Variants in LRIG1 observed in about 807,000 individuals in gnomAD.
LRIG1 encodes the protein leucine rich repeats and immunoglobulin like domains 1.
LRIG1 carries 48 observed loss-of-function variants against 99.2 expected under a neutral mutation model. The ratio of observed to expected loss-of-function variants is 0.48; its 90% CI spans 0.38 to 0.62. The LOEUF (loss-of-function observed/expected upper bound fraction) is 0.62. LRIG1 is among the 20% of genes least tolerant of loss of function. The pLI is 0.00. For synonymous variants in LRIG1, 772 were observed against 596.1 expected, an observed-to-expected ratio of 1.29 and a Z score of -4.30; for missense variants, 1,646 against 1,434.4, an observed-to-expected ratio of 1.15 and a Z score of -2.38.
chr3:66,420,868 A>G (rs1012932293), intron 3 of LRIG1, among the ~76,000 whole-genome samples: 1 of 152,210 alleles, frequency 6.6e-6, no homozygotes, highest in Non-Finnish European at 1.5e-5. Flanking sequence ...AGACTGGGCA[A>G]TTTATGAAAG....
At chr3:66,496,524 G>A (rs1265154822) in intron 1 of LRIG1, among the ~76,000 whole-genome samples, 2 of 152,164 alleles carry the variant, frequency 1.3e-5, no homozygotes, top group East Asian at 3.8e-4. Context: ...AAAGGACTCT[G>A]AGCTCAAGCT....
At chr3:66,474,980 CCT>C (rs1430394894) in intron 1 of LRIG1, among the ~76,000 whole-genome samples, 1 of 152,220 alleles carries the variant, frequency 6.6e-6, no homozygotes, top group Non-Finnish European at 1.5e-5. Context: ...TACTCCACAG[CCT>C]CTCTGTGCAC....
intron 9 of LRIG1, among the ~76,000 whole-genome samples, chr3:66,402,963 C>T (rs182065914): frequency 4.6e-5 from 7 of 152,294 alleles, no homozygotes; most frequent in Admixed American, 2.0e-4. Flanking sequence ...CGACTCAACA[C>T]CTGTGATAGG....
intron 1 of LRIG1, 134 bp downstream of exon 1, chr3:66,500,056 C>T (rs1325853413): frequency 3.0e-6 from 2 of 660,010 alleles, no homozygotes; most frequent in Non-Finnish European, 4.8e-6. Flanking sequence ...GACAGTCTTC[C>T]AACACGCACA....
chr3:66,495,813 C>T (rs1701213648), intron 1 of LRIG1, among the ~76,000 whole-genome samples: 1 of 152,324 alleles, frequency 6.6e-6, no homozygotes, highest in South Asian at 2.1e-4. Context: ...GCATTCCTGT[C>T]CACCCTGAAA....
intron 3 of LRIG1, among the ~76,000 whole-genome samples, chr3:66,432,671 C>G (rs1703212932): frequency 6.6e-6 from 1 of 152,278 alleles, no homozygotes; most frequent in Middle Eastern, 3.4e-3. Flanking sequence ...GAGCCCGGAA[C>G]AGGAATCCAT....
At chr3:66,446,655 C>T (rs1247070379) in intron 3 of LRIG1, among the ~76,000 whole-genome samples, 1 of 152,036 alleles carries the variant, frequency 6.6e-6, no homozygotes, top group Non-Finnish European at 1.5e-5. Flanking sequence ...ATCCACCTGC[C>T]TCAGCCTCCC....
chr3:66,429,593 G>A (rs900350568), intron 3 of LRIG1, among the ~76,000 whole-genome samples: 3 of 151,912 alleles, frequency 2.0e-5, no homozygotes, highest in African/African-American at 7.2e-5. Context: ...TTCAGCACAG[G>A]AGATTTTTAG....
chr3:66,438,735 C>T (rs1199364009), intron 3 of LRIG1, among the ~76,000 whole-genome samples: 1 of 152,188 alleles, frequency 6.6e-6, no homozygotes, highest in Non-Finnish European at 1.5e-5. Context: ...GCAGAAATTC[C>T]AGCACCCAAC....
chr3:66,467,411 C>T (rs536799006), intron 1 of LRIG1, among the ~76,000 whole-genome samples: 4 of 141,746 alleles, frequency 2.8e-5, no homozygotes, highest in African/African-American at 1.1e-4. Flanking sequence ...CCCAGGCTGG[C>T]GTGCAGCGGT....
intron 7 of LRIG1, 114 bp from the exon 8 acceptor site, chr3:66,407,605 ACACGCACGCGCGTGCGTG>A: frequency 8.5e-7 from 1 of 1,170,888 alleles, no homozygotes; most frequent in Non-Finnish European, 1.2e-6. Flanking sequence ...ACACAGATGC[ACACGCACGCGCGTGCGTG>A]CACACACACA....
At position 66,382,273 on chromosome 3, in the gene LRIG1, C is replaced by A; in HGVS notation, c.2617G>T (p.Gly873Cys). The change falls in exon 16 of 19, where the codon GGT (glycine) becomes TGT (cysteine). Residue 873 changes from glycine to cysteine, a missense_variant and splice_region_variant. Physicochemically the swap from Gly to Cys is radical, Grantham distance 159. Transcript: ENST00000273261. The stretch of plus-strand genomic sequence containing the variant: ...TGCTTCACAGTTACTGAGGCCTTAC[C>A]ATTGCTCTCAATGTGCCCATTGGCC... ...PQANGHIESN[G>C]VCPRDASHFP... 1 of 1,614,154 alleles carries A rather than the reference C, an allele frequency of 6.2e-7. No homozygotes were observed.
At position 66,469,901 on chromosome 3, in the gene LRIG1, C is replaced by T. The variant is rs186148128; in HGVS notation, c.219-7392G>A. ...CCTGGGCAACATAGTGAGACCCTGT[C>T]CCTACCAAAAAAAAAAAAAAAAAAA... On this transcript the variant is annotated intron_variant, in intron 1 of 18. Transcript: ENST00000273261. Among the ~76,000 whole-genome samples the T allele has an allele frequency of 3.7e-3, 333 of 89,274 alleles. 4 individuals carry two copies. The highest frequency in any genetic ancestry group is 0.031 in the East Asian group (102 of 3,246). The allele number at this position is 89,274 out of a possible 152,430, so 58.6% of individuals were successfully genotyped here.
chr3:66,459,369 G>T (rs1027543425), intron 2 of LRIG1, among the ~76,000 whole-genome samples: 3 of 152,222 alleles, frequency 2.0e-5, no homozygotes, highest in African/African-American at 4.8e-5. Context: ...GCCCCTGATA[G>T]ATAGGGGTCA....
chr3:66,466,125 G>C (rs1244936530), intron 1 of LRIG1, among the ~76,000 whole-genome samples: 1 of 152,042 alleles, frequency 6.6e-6, no homozygotes, highest in South Asian at 2.1e-4. Context: ...TCAAACTCTT[G>C]GGCTCAAGTG....
chr3:66,417,330 T>TA, intron 3 of LRIG1, 64 bp from the exon 4 acceptor site: 1 of 1,539,014 alleles, frequency 6.5e-7, no homozygotes, highest in Non-Finnish European at 8.9e-7. Flanking sequence ...AAGAAACTAG[T>TA]ATTCCTGCAC....
At chr3:66,422,684 T>A (rs1299529747) in intron 3 of LRIG1, among the ~76,000 whole-genome samples, 1 of 152,238 alleles carries the variant, frequency 6.6e-6, no homozygotes, top group Admixed American at 6.5e-5. Context: ...CTGCCTGTTA[T>A]CCAGTTCCAA....
chr3:66,459,400 A>G (rs979817811), intron 2 of LRIG1, among the ~76,000 whole-genome samples: 4 of 152,248 alleles, frequency 2.6e-5, no homozygotes, highest in Non-Finnish European at 5.9e-5. Context: ...AAACCATAAA[A>G]GGACCTGGCC....
intron 3 of LRIG1, among the ~76,000 whole-genome samples, chr3:66,450,945 T>A (rs1272369068): frequency 6.6e-6 from 1 of 152,172 alleles, no homozygotes; most frequent in Non-Finnish European, 1.5e-5. Flanking sequence ...CAGTGCTCAG[T>A]TCTCTAGCAA....
Sources: gnomAD v4.1 joint callset for allele counts (sites outside exome capture counted in the v4.1 genomes callset) on GRCh38, gnomAD v4.1.1 for gene constraint, MANE v1.5 for transcripts, NCBI Gene and HGNC (gene_info 2026-07-23, HGNC 2026-07-21) for gene names.